The following NTMT2 variants were observed in gnomAD, a reference collection of about 807,000 sequenced individuals.
NTMT2 encodes N-terminal Xaa-Pro-Lys N-methyltransferase 2.
NTMT2 carries 21 observed loss-of-function variants against 23.4 expected under a neutral mutation model. That is an observed-to-expected ratio of 0.90 (90% CI 0.64 to 1.29). The LOEUF is 1.29. Among genes scored for constraint, NTMT2 ranks in the 50% most tolerant of loss-of-function variants. The pLI is 0.00. For missense variants in NTMT2, 336 were observed against 352.0 expected, an observed-to-expected ratio of 0.95 and a Z score of 0.36; for synonymous variants, 131 against 127.7, an observed-to-expected ratio of 1.03 and a Z score of -0.17.
At chr1:170,167,156 T>G (rs1355716278) in intron 3 of NTMT2, among the ~76,000 whole-genome samples, 1 of 152,034 alleles carries the variant, frequency 6.6e-6, no homozygotes, top group African/African-American at 2.4e-5. Context: ...GATTTTGGGG[T>G]GTGTGTGTGA....
Position 170,166,679 on chromosome 1 carries a change from CA to C in NTMT2, c.509del (p.His170ProfsTer27). ...CAAAGGTGACAAAGTAGAAAGCTAC[CA>C]CTGCTACAGCCTGCAGGAATTCACA... is the stretch of plus-strand genomic sequence containing the variant. ...QVKGDKVESY[H>X]CYSLQEFTPP... is the part of the protein sequence containing the mutation. On this transcript the variant is annotated frameshift_variant, in exon 3 of 4. Coordinates refer to ENST00000439373, the MANE Select transcript of NTMT2 (RefSeq NM_001136107.2). LOFTEE classifies it high-confidence loss of function. The C allele has an allele frequency of 6.4e-7, 1 of 1,552,214 alleles. No individual in the cohort carries two copies. Among genetic ancestry groups the C allele is most frequent in the Non-Finnish European group, 8.7e-7 (1 of 1,147,084 alleles).
intron 1 of NTMT2, among the ~76,000 whole-genome samples, chr1:170,152,458 A>G (rs1276387416): frequency 5.3e-5 from 8 of 152,176 alleles, no homozygotes; most frequent in Non-Finnish European, 1.2e-4. Flanking sequence ...TTGAGAAAGT[A>G]GATTGTCTTT....
At chr1:170,165,631 TAA>T (rs1055067476) in intron 2 of NTMT2, among the ~76,000 whole-genome samples, 5 of 152,220 alleles carry the variant, frequency 3.3e-5, no homozygotes, top group African/African-American at 1.2e-4. Flanking sequence ...CTAGAAAAGA[TAA>T]AATTCAAGTA....
At chr1:170,151,381 A>G (rs977628513) in intron 1 of NTMT2, 12 of 154,028 alleles carry the variant, frequency 7.8e-5, no homozygotes, top group African/African-American at 2.7e-4. Context: ...GGAGGAAATT[A>G]ACTATGGCTT....
chr1:170,149,949 C>T (rs1228336355), intron 1 of NTMT2, among the ~76,000 whole-genome samples: 1 of 152,146 alleles, frequency 6.6e-6, no homozygotes, highest in Non-Finnish European at 1.5e-5. Flanking sequence ...AAAACTTAGC[C>T]AGAAGAGATG....
intron 2 of NTMT2, among the ~76,000 whole-genome samples, chr1:170,162,853 CTGCT>C (rs1673299921): frequency 8.2e-6 from 1 of 122,264 alleles, no homozygotes; most frequent in South Asian, 3.3e-4. Flanking sequence ...GAAAAAATCC[CTGCT>C]TTATTTATTT....
chr1:170,163,363 A>T (rs1169372858), intron 2 of NTMT2, among the ~76,000 whole-genome samples: 1 of 152,236 alleles, frequency 6.6e-6, no homozygotes, highest in East Asian at 1.9e-4. Flanking sequence ...GTCAACTGCG[A>T]AAAGAAGATT....
At chr1:170,166,140 C>CTTTTTTTTTTTTTTTTTTTTTT (rs3040077) in intron 2 of NTMT2, among the ~76,000 whole-genome samples, 7 of 67,792 alleles carry the variant, frequency 1.0e-4, no homozygotes, top group Admixed American at 2.3e-4. Flanking sequence ...TTTTTTTTTT[C>CTTTTTTTTTTTTTTTTTTTTTT]TTTTTTTTTT....
Position 170,146,173 on chromosome 1 carries a change from T to C in NTMT2, c.66T>C (p.Cys22=). The C allele has an allele frequency of 6.4e-7, 1 of 1,551,568 alleles. No individual in the cohort carries two copies. Among genetic ancestry groups the C allele is most frequent in the Non-Finnish European group, 8.7e-7 (1 of 1,146,934 alleles). ...SRWQKTDDEL[C]RHSMSFILHK... is the part of the protein sequence containing the mutation. ...GGCAGAAGACCGACGATGAACTCTG[T>C]AGACATAGCATGTCTTTTATCCTTC... is the stretch of plus-strand genomic sequence containing the variant. Residue 22 remains cysteine (C), a synonymous_variant, in exon 1 of 4, where the codon TGT becomes TGC. Transcript: ENST00000439373.
At chr1:170,154,385 A>G (rs542284809) in intron 1 of NTMT2, among the ~76,000 whole-genome samples, 2 of 152,222 alleles carry the variant, frequency 1.3e-5, no homozygotes, top group African/African-American at 2.4e-5. Flanking sequence ...AGACCTGGGA[A>G]TGGCAGACCC....
chr1:170,165,804 T>C (rs1673367192), intron 2 of NTMT2, among the ~76,000 whole-genome samples: 1 of 151,980 alleles, frequency 6.6e-6, no homozygotes, highest in Non-Finnish European at 1.5e-5. Flanking sequence ...AATTTAGTCA[T>C]TAAAGTTTTA....
In NTMT2 at chr1:170,168,611, T is replaced by C. The variant is rs753343911; in HGVS notation, c.*854T>C. The stretch of plus-strand genomic sequence containing the variant: ...ATAACAGAAGTCTGCATTACAGTGA[T>C]GGGAAGTATCTCCTTTCAGGAGAAA... On this transcript the variant is annotated 3_prime_UTR_variant, in exon 4 of 4. Transcript: ENST00000439373. 2.0e-5 allele frequency among the ~76,000 whole-genome samples: 3 copies of C among 152,268 alleles called. No individual in the cohort carries two copies. The highest frequency in any genetic ancestry group is 4.4e-5 in the Non-Finnish European group (3 of 68,046).
chr1:170,167,059 T>G (rs1051777236), intron 3 of NTMT2, among the ~76,000 whole-genome samples: 17 of 152,310 alleles, frequency 1.1e-4, no homozygotes, highest in African/African-American at 4.1e-4. Context: ...ATTTCAAAAG[T>G]GCAGTCAAAA....
chr1:170,167,771 A>G lies in NTMT2; in HGVS notation c.*14A>G. On this transcript the variant is annotated 3_prime_UTR_variant, in exon 4 of 4. Coordinates refer to ENST00000439373, the MANE Select transcript of NTMT2 (RefSeq NM_001136107.2). ...AGACACTCCTGAAAAAGCAGTGGGA[A>G]TGAACGACTGGACTGGGCAGTGGTG... The G allele has an allele frequency of 6.5e-7, 1 of 1,542,396 alleles. No homozygotes were observed. Among genetic ancestry groups the G allele is most frequent in the Non-Finnish European group, 8.8e-7 (1 of 1,141,930 alleles).
At chr1:170,164,382 T>C (rs1673332721) in intron 2 of NTMT2, among the ~76,000 whole-genome samples, 1 of 152,232 alleles carries the variant, frequency 6.6e-6, no homozygotes, top group Non-Finnish European at 1.5e-5. Flanking sequence ...GACGCTCTTA[T>C]TGAGCATACA....
At chr1:170,152,939 G>A (rs1387573466) in intron 1 of NTMT2, among the ~76,000 whole-genome samples, 1 of 152,086 alleles carries the variant, frequency 6.6e-6, no homozygotes, top group Non-Finnish European at 1.5e-5. Context: ...GGAGGTGTTT[G>A]GGTCATGAAG....
At chr1:170,148,326 T>A (rs533675339) in intron 1 of NTMT2, among the ~76,000 whole-genome samples, 2 of 151,474 alleles carry the variant, frequency 1.3e-5, no homozygotes, top group South Asian at 4.2e-4. Flanking sequence ...TTTTTTTTTT[T>A]ATTTTTAGTA....
chr1:170,166,693 G>T lies in NTMT2; in HGVS notation c.522G>T (p.Leu174=), dbSNP rs879808757. 4.5e-6 allele frequency: 7 copies of T among 1,552,288 alleles called. No individual in the cohort carries two copies. Among genetic ancestry groups the T allele is most frequent in the Non-Finnish European group, 6.1e-6 (7 of 1,147,110 alleles). The change falls in exon 3 of 4, where the codon CTG becomes CTT. Residue 174 remains leucine (L), a synonymous_variant. Coordinates refer to ENST00000439373, the MANE Select transcript of NTMT2 (RefSeq NM_001136107.2). ...DKVESYHCYS[L]QEFTPPFRRY... is the part of the protein sequence containing the mutation. ...TAGAAAGCTACCACTGCTACAGCCT[G>T]CAGGAATTCACACCCCCCTTCAGGA...
At position 170,146,276 on chromosome 1, in the gene NTMT2, G is replaced by A. The variant is rs910578818; in HGVS notation, c.154+15G>A. ...AATTCCCCTGGGTAAGTGAGTCAGA[G>A]CTACTAGATAAGAAACAAGAAATGA... On this transcript the variant is annotated intron_variant, in intron 1 of 3. Coordinates refer to ENST00000439373, the MANE Select transcript of NTMT2 (RefSeq NM_001136107.2). 1.7e-5 allele frequency: 26 copies of A among 1,547,922 alleles called. No homozygotes were observed. Among genetic ancestry groups the A allele is most frequent in the Non-Finnish European group, 2.1e-5 (24 of 1,145,720 alleles).
Sources: gnomAD v4.1 joint callset for allele counts (sites outside exome capture counted in the v4.1 genomes callset) on GRCh38, gnomAD v4.1.1 for gene constraint, MANE v1.5 for transcripts, NCBI Gene and HGNC (gene_info 2026-07-23, HGNC 2026-07-21) for gene names.